The following PARD3B variants were observed in gnomAD, a reference collection of about 807,000 sequenced individuals.
PARD3B encodes the protein partitioning defective 3 homolog B.
In PARD3B, 103 loss-of-function variants were observed where a neutral mutation model predicts 130.2. The observed-to-expected ratio is 0.79, with a 90% confidence interval of 0.67 to 0.93. The LOEUF is 0.93. Ranked by LOEUF, PARD3B falls within the 40% of genes least tolerant of loss-of-function variation. The pLI is 0.00. For missense variants in PARD3B, 1,609 were observed against 1,499.2 expected (o/e 1.07, Z -1.21); for synonymous variants, 583 against 553.2 (o/e 1.05, Z -0.76).
chr2:205,493,720 GTATGTATTTATTTA>G (rs1255632233), intron 20 of PARD3B, among the ~76,000 whole-genome samples: 1 of 5,064 alleles, frequency 2.0e-4, no homozygotes, highest in Admixed American at 6.2e-3. Flanking sequence ...TTTCATTTAT[GTATGTATTTATTTA>G]TTTATTTATT....
chr2:204,681,401 T>C (rs182782951), intron 1 of PARD3B, among the ~76,000 whole-genome samples: 2 of 152,292 alleles, frequency 1.3e-5, no homozygotes, highest in Admixed American at 1.3e-4. Flanking sequence ...GGTCCCATTC[T>C]AGTTCTGCTG....
chr2:204,749,370 G>T (rs1372813276), intron 2 of PARD3B, among the ~76,000 whole-genome samples: 1 of 152,006 alleles, frequency 6.6e-6, no homozygotes, highest in African/African-American at 2.4e-5. Context: ...TTTTTATATA[G>T]TGTTGATCTC....
chr2:205,160,996 C>T lies in PARD3B; in HGVS notation c.1620+2089C>T, dbSNP rs2034474428. 1.3e-5 allele frequency among the ~76,000 whole-genome samples: 2 copies of T among 152,138 alleles called. No individual in the cohort carries two copies. The highest frequency in any genetic ancestry group is 4.8e-5 in the African/African-American group (2 of 41,438). ...TCTTGTATGGTGCTATCATCCTTAG[C>T]CAAGCCATCTAGGTTTGAGGATGAG... On this transcript the variant is annotated intron_variant, in intron 11 of 22. Transcript: ENST00000406610. The surrounding 1 kb of genome is among the most constrained non-coding windows in gnomAD (Gnocchi z 4.0).
intron 1 of PARD3B, among the ~76,000 whole-genome samples, chr2:204,573,956 A>C (rs1574483953): frequency 6.6e-6 from 1 of 152,194 alleles, no homozygotes; most frequent in African/African-American, 2.4e-5. Context: ...GTCTCCAAGT[A>C]TGTCTTAGCA....
chr2:204,720,630 G>T (rs1326634675), intron 2 of PARD3B, among the ~76,000 whole-genome samples: 2 of 152,018 alleles, frequency 1.3e-5, no homozygotes, highest in African/African-American at 4.8e-5. Context: ...AAAGGGAAAA[G>T]TTAAACTTGA....
At position 205,572,353 on chromosome 2, in the gene PARD3B, C is replaced by T. The variant is rs1258247703; in HGVS notation, c.3260+18950C>T. Among the ~76,000 whole-genome samples, 1 of 152,122 alleles carries T rather than the reference C, an allele frequency of 6.6e-6. No individual in the cohort carries two copies. ...AACACGCTAGGGACTTTGACTCTAC[C>T]CAGAAGGCCTCAGGCCCTTGAAGGT... On this transcript the variant is annotated intron_variant, in intron 22 of 22. Transcript: ENST00000406610. This position sits in a 1 kb window ranked among gnomAD's most constrained non-coding sequence, Gnocchi z 4.2.
At chr2:205,505,629 G>A (rs1427584755) in intron 21 of PARD3B, among the ~76,000 whole-genome samples, 1 of 152,254 alleles carries the variant, frequency 6.6e-6, no homozygotes, top group Non-Finnish European at 1.5e-5. Flanking sequence ...GTTAATATTT[G>A]CCAGAGGAAA....
intron 4 of PARD3B, among the ~76,000 whole-genome samples, chr2:205,090,901 C>T (rs188892467): frequency 1.1e-4 from 17 of 152,242 alleles, no homozygotes; most frequent in Admixed American, 3.3e-4. Context: ...TGTAAACAGT[C>T]GGCCAATTTC....
At chr2:205,132,610 A>C (rs1041960087) in intron 10 of PARD3B, among the ~76,000 whole-genome samples, 2 of 152,168 alleles carry the variant, frequency 1.3e-5, no homozygotes, top group African/African-American at 2.4e-5. Context: ...GGTTCACCTC[A>C]GCATGCGCCC....
At chr2:204,631,897 A>G (rs1196511106) in intron 1 of PARD3B, among the ~76,000 whole-genome samples, 1 of 152,094 alleles carries the variant, frequency 6.6e-6, no homozygotes, top group Non-Finnish European at 1.5e-5. Context: ...ATGGGTTGCA[A>G]TTTTTTTAAG....
intron 1 of PARD3B, among the ~76,000 whole-genome samples, chr2:204,674,341 G>C (rs2036436684): frequency 6.6e-6 from 1 of 152,168 alleles, no homozygotes; most frequent in African/African-American, 2.4e-5. Flanking sequence ...TGCATTCTCT[G>C]TATTCTTTTT....
chr2:205,427,449 A>G (rs1010464842), intron 19 of PARD3B, among the ~76,000 whole-genome samples: 1 of 152,382 alleles, frequency 6.6e-6, no homozygotes, highest in East Asian at 1.9e-4. Context: ...TGAGAAAGAT[A>G]TCTAAAGAAA....
chr2:205,609,776 C>A (rs2055163314), intron 22 of PARD3B, among the ~76,000 whole-genome samples: 2 of 152,312 alleles, frequency 1.3e-5, no homozygotes, highest in South Asian at 4.1e-4. Flanking sequence ...CCTTTCAAAA[C>A]AAACTATCTT....
intron 19 of PARD3B, among the ~76,000 whole-genome samples, chr2:205,408,716 G>A (rs1160646312): frequency 6.6e-6 from 1 of 151,920 alleles, no homozygotes; most frequent in Non-Finnish European, 1.5e-5. Context: ...TAATAACTTT[G>A]GCACTATTTA....
At chr2:205,583,692 T>C (rs1223611680) in intron 22 of PARD3B, among the ~76,000 whole-genome samples, 1 of 152,232 alleles carries the variant, frequency 6.6e-6, no homozygotes, top group East Asian at 1.9e-4. Context: ...AAATGAATCA[T>C]ACCTTTTGTA....
At chr2:205,433,816 T>C (rs2047419821) in intron 19 of PARD3B, among the ~76,000 whole-genome samples, 2 of 152,208 alleles carry the variant, frequency 1.3e-5, no homozygotes, top group African/African-American at 4.8e-5. Flanking sequence ...TCATCCCTGC[T>C]GTTGGCTATT....
intron 20 of PARD3B, among the ~76,000 whole-genome samples, chr2:205,497,554 A>C (rs575415485): frequency 6.4e-4 from 97 of 151,420 alleles, no homozygotes; most frequent in Non-Finnish European, 1.1e-3. Flanking sequence ...CTTGGAACCC[A>C]ACTGTAATAT....
chr2:204,650,102 C>A (rs1226003984), intron 1 of PARD3B, among the ~76,000 whole-genome samples: 1 of 151,982 alleles, frequency 6.6e-6, no homozygotes, highest in Non-Finnish European at 1.5e-5. Flanking sequence ...AGGACATGAA[C>A]AGACACTTTT....
At chr2:205,533,892 T>A (rs1433344244) in intron 21 of PARD3B, among the ~76,000 whole-genome samples, 2 of 152,102 alleles carry the variant, frequency 1.3e-5, no homozygotes, top group Admixed American at 1.3e-4. Flanking sequence ...CACATGGGGC[T>A]AATCGTTCAG....
Sources: gnomAD v4.1 joint callset for allele counts (sites outside exome capture counted in the v4.1 genomes callset) on GRCh38, gnomAD v4.1.1 for gene constraint, Gnocchi (gnomAD v3.1) non-coding constraint, MANE v1.5 for transcripts, NCBI Gene and HGNC (gene_info 2026-07-23, HGNC 2026-07-21) for gene names.